Variants in THSD7B observed in about 807,000 individuals in gnomAD.
THSD7B encodes the protein thrombospondin type-1 domain-containing protein 7B.
A neutral mutation model predicts 213.6 loss-of-function variants in THSD7B; 138 were observed. The ratio of observed to expected loss-of-function variants is 0.65; its 90% confidence interval spans 0.56 to 0.74. The LOEUF (loss-of-function observed/expected upper bound fraction) is 0.74. THSD7B is among the 30% of genes least tolerant of loss of function. THSD7B has a pLI of 0.00. For synonymous variants in THSD7B, 742 were observed against 687.0 expected, an observed-to-expected ratio of 1.08 and a Z score of -1.25; for missense variants, 1,931 against 1,991.5, an observed-to-expected ratio of 0.97 and a Z score of 0.58.
At chr2:136,909,529 G>A (rs1259785177) in intron 2 of THSD7B, among the ~76,000 whole-genome samples, 1 of 152,136 alleles carries the variant, frequency 6.6e-6, no homozygotes, top group Non-Finnish European at 1.5e-5. Flanking sequence ...TGAGTTTTGA[G>A]CTCAATAAAT....
intron 2 of THSD7B, 67 bp downstream of exon 2, chr2:136,882,384 C>A (rs539570197): frequency 7.4e-7 from 1 of 1,343,008 alleles, no homozygotes; most frequent in African/African-American, 1.5e-5. Context: ...TTCCATCCTT[C>A]TTCTTCTTCT....
intron 2 of THSD7B, among the ~76,000 whole-genome samples, chr2:136,902,754 T>C (rs929075061): frequency 2.0e-5 from 3 of 152,318 alleles, no homozygotes; most frequent in African/African-American, 7.2e-5. Flanking sequence ...ATTGTGGCAA[T>C]GTCTGCAGTG....
At chr2:137,434,693 T>C (rs1223864159) in intron 14 of THSD7B, among the ~76,000 whole-genome samples, 1 of 152,188 alleles carries the variant, frequency 6.6e-6, no homozygotes, top group Non-Finnish European at 1.5e-5. Context: ...GTTTTCCACA[T>C]TTTGTGTATT....
At chr2:137,220,557 G>A (rs1681345736) in intron 7 of THSD7B, among the ~76,000 whole-genome samples, 1 of 152,202 alleles carries the variant, frequency 6.6e-6, no homozygotes, top group South Asian at 2.1e-4. Context: ...TAAGGGTGTA[G>A]AACAGTTAGA....
Position 137,663,364 on chromosome 2 carries a change from A to G in THSD7B, c.4459-19A>G. 1 of 1,516,752 alleles carries G rather than the reference A, an allele frequency of 6.6e-7. No homozygotes were observed. Among genetic ancestry groups the G allele is most frequent in the Non-Finnish European group, 8.8e-7 (1 of 1,131,590 alleles). The allele number at this position is 1,516,752 out of a possible 1,614,324, so 94.0% of individuals were successfully genotyped here. On this transcript the variant is annotated intron_variant, in intron 25 of 27. Coordinates refer to ENST00000409968, the MANE Select transcript of THSD7B (RefSeq NM_001316349.2). ...GTTCAACTCACTGTGTAACCATAAAAATATTCTTTATGCTGTAGGGTGGAG... is the reference window on the plus strand; with the variant it reads ...GTTCAACTCACTGTGTAACCATAAAGATATTCTTTATGCTGTAGGGTGGAG...
intron 4 of THSD7B, among the ~76,000 whole-genome samples, chr2:137,107,583 G>A (rs1688279562): frequency 1.3e-5 from 2 of 152,110 alleles, no homozygotes; most frequent in South Asian, 4.1e-4. Flanking sequence ...TCCAGGTACT[G>A]TTTTAGAAAA....
At chr2:136,876,855 C>T (rs1025401858) in intron 1 of THSD7B, among the ~76,000 whole-genome samples, 2 of 152,202 alleles carry the variant, frequency 1.3e-5, no homozygotes, top group South Asian at 4.1e-4. Flanking sequence ...CTAAGCAGAG[C>T]AGGCACTGAT....
chr2:137,517,740 C>T (rs530009387), intron 15 of THSD7B, among the ~76,000 whole-genome samples: 6 of 152,274 alleles, frequency 3.9e-5, no homozygotes, highest in African/African-American at 1.4e-4. Context: ...CTGGAGGTAT[C>T]AGTGGCAGAT....
chr2:136,867,093 A>G (rs1419465788), intron 1 of THSD7B, among the ~76,000 whole-genome samples: 1 of 152,222 alleles, frequency 6.6e-6, no homozygotes, highest in African/African-American at 2.4e-5. Context: ...TACAAGATGA[A>G]GAAAATTATG....
intron 13 of THSD7B, among the ~76,000 whole-genome samples, chr2:137,411,039 G>A (rs10496770): frequency 0.062 from 9,416 of 152,312 alleles, 426 homozygotes; most frequent in South Asian, 0.16. Flanking sequence ...ACTTAAGTTA[G>A]AAGAATCTCT....
chr2:137,277,199 AC>A (rs1682896038), intron 12 of THSD7B, among the ~76,000 whole-genome samples: 1 of 152,074 alleles, frequency 6.6e-6, no homozygotes, highest in African/African-American at 2.4e-5. Flanking sequence ...ACAATACTAA[AC>A]AAAACCATTT....
intron 1 of THSD7B, among the ~76,000 whole-genome samples, chr2:136,821,094 G>T (rs1308518174): frequency 6.6e-6 from 1 of 152,100 alleles, no homozygotes; most frequent in Non-Finnish European, 1.5e-5. Flanking sequence ...GAATATTCTT[G>T]CAACCTTTCT....
chr2:137,663,320 T>A, intron 25 of THSD7B, 63 bp from the exon 26 acceptor site: 1 of 1,338,738 alleles, frequency 7.5e-7, no homozygotes, highest in Non-Finnish European at 9.9e-7. Flanking sequence ...TTTAACATTA[T>A]ATTTTTATTC....
chr2:136,903,260 G>T (rs1318691195), intron 2 of THSD7B, among the ~76,000 whole-genome samples: 2 of 152,172 alleles, frequency 1.3e-5, no homozygotes, highest in Non-Finnish European at 2.9e-5. Context: ...CATCACTAGT[G>T]TTGAACTGCT....
intron 12 of THSD7B, among the ~76,000 whole-genome samples, chr2:137,374,964 G>A (rs912992621): frequency 1.3e-5 from 2 of 152,174 alleles, no homozygotes; most frequent in Admixed American, 6.5e-5. Context: ...TGCTTGGATC[G>A]TGGACATTGT....
intron 7 of THSD7B, among the ~76,000 whole-genome samples, chr2:137,179,976 C>T (rs915311786): frequency 2.6e-5 from 4 of 152,152 alleles, no homozygotes; most frequent in African/African-American, 9.7e-5. Context: ...TTATGTTTAT[C>T]ACCTGTGCAA....
At chr2:136,822,180 A>G (rs1229847522) in intron 1 of THSD7B, among the ~76,000 whole-genome samples, 1 of 152,156 alleles carries the variant, frequency 6.6e-6, no homozygotes, top group Non-Finnish European at 1.5e-5. Context: ...GTAGAGACTA[A>G]TGCTTTTGGT....
intron 10 of THSD7B, among the ~76,000 whole-genome samples, chr2:137,254,801 CTATT>C (rs1292296251): frequency 2.0e-5 from 3 of 152,002 alleles, no homozygotes; most frequent in Admixed American, 6.6e-5. Flanking sequence ...GGATTCATGA[CTATT>C]TAAGCTCAAG....
intron 1 of THSD7B, among the ~76,000 whole-genome samples, chr2:136,870,653 C>T (rs745732298): frequency 2.0e-5 from 3 of 151,966 alleles, no homozygotes; most frequent in Non-Finnish European, 4.4e-5. Context: ...AAGCAGGTCA[C>T]GTGAATAGGA....
Sources: gnomAD v4.1 joint callset for allele counts (sites outside exome capture counted in the v4.1 genomes callset) on GRCh38, gnomAD v4.1.1 for gene constraint, MANE v1.5 for transcripts, NCBI Gene and HGNC (gene_info 2026-07-23, HGNC 2026-07-21) for gene names.